Variants in LYSMD2 observed in about 807,000 individuals in gnomAD.
LYSMD2 encodes LysM domain containing 2.
A neutral mutation model predicts 17.7 loss-of-function variants in LYSMD2; 6 were observed. The ratio of observed to expected loss-of-function variants is 0.34; its 90% confidence interval spans 0.19 to 0.67. LYSMD2 has a LOEUF of 0.67. LYSMD2 is among the 30% of genes least tolerant of loss of function. The pLI is 0.69. For synonymous variants in LYSMD2, 102 were observed against 129.8 expected, an observed-to-expected ratio of 0.79 and a Z score of 1.45; for missense variants, 237 against 286.7, an observed-to-expected ratio of 0.83 and a Z score of 1.25.
chr15:51,745,534 G>C (rs1184489041), intron 1 of LYSMD2, among the ~76,000 whole-genome samples: 1 of 152,134 alleles, frequency 6.6e-6, no homozygotes, highest in Non-Finnish European at 1.5e-5. Flanking sequence ...AAAAGTCTTT[G>C]ATGAAATCCA....
upstream of LYSMD2, chr15:51,737,659 A>G: frequency 8.3e-7 from 1 of 1,200,182 alleles, no homozygotes; most frequent in Admixed American, 4.4e-5. The surrounding 1 kb of genome is among the most constrained non-coding windows in gnomAD (Gnocchi z 4.2). Flanking sequence ...GGAGCTTGCC[A>G]AGGGGGCGGC....
In LYSMD2 at chr15:51,737,553, AGGGGGCCGAGGGCCGCGGCGCGCGG is replaced by A; in HGVS notation, c.45_69del (p.Ala17ArgfsTer18). On this transcript the variant is annotated frameshift_variant, in exon 1 of 3. Transcript: ENST00000267838. LOFTEE classifies it high-confidence loss of function. The surrounding 1 kb of genome is among the most constrained non-coding windows in gnomAD (Gnocchi z 4.2). ...CCGGAGCGCGAGCGCGGCGGCGGCG[AGGGGGCCGAGGGCCGCGGCGCGCGG>A]GGGCCGCCTTCCCGCAGGGACAGTG... 4 of 1,226,618 alleles carry A rather than the reference AGGGGGCCGAGGGCCGCGGCGCGCGG, an allele frequency of 3.3e-6. No individual in the cohort carries two copies. The highest frequency in any genetic ancestry group is 4.1e-6 in the Non-Finnish European group (4 of 987,022). 76.0% of individuals were successfully genotyped at this position (1,226,618 alleles called of 1,614,324 possible).
intron 1 of LYSMD2, among the ~76,000 whole-genome samples, chr15:51,749,885 C>G (rs753914799): frequency 6.6e-6 from 1 of 152,266 alleles, no homozygotes; most frequent in Non-Finnish European, 1.5e-5. Flanking sequence ...TCATTTAACT[C>G]TTTCTGGCTC....
At chr15:51,724,289 A>G (rs1256466977) in intron 2 of LYSMD2, among the ~76,000 whole-genome samples, 1 of 152,204 alleles carries the variant, frequency 6.6e-6, no homozygotes, top group Non-Finnish European at 1.5e-5. Context: ...GATCTTATGT[A>G]GGAAACACCC....
At chr15:51,731,307 T>C (rs1412026319) in intron 1 of LYSMD2, among the ~76,000 whole-genome samples, 2 of 152,248 alleles carry the variant, frequency 1.3e-5, no homozygotes, top group Non-Finnish European at 2.9e-5. Context: ...TACTTTGCCA[T>C]ACCTCTCACT....
intron 1 of LYSMD2, among the ~76,000 whole-genome samples, chr15:51,736,210 G>T (rs2141598352): frequency 6.6e-6 from 1 of 152,312 alleles, no homozygotes; most frequent in South Asian, 2.1e-4. Flanking sequence ...ATTCAGCAGA[G>T]GGTAGCTACT....
At chr15:51,751,407 G>C (rs2055700775) in exon 1 of LYSMD2, 1 of 700,038 alleles carries the variant, frequency 1.4e-6, no homozygotes, top group Admixed American at 2.0e-5. Context: ...GCTTCTCCCC[G>C]ACCCAGGTGC....
intron 1 of LYSMD2, among the ~76,000 whole-genome samples, chr15:51,732,803 C>G (rs987016852): frequency 6.6e-6 from 1 of 152,212 alleles, no homozygotes; most frequent in Non-Finnish European, 1.5e-5. Context: ...CTCACCACCT[C>G]CTTCCTTCTC....
At chr15:51,744,571 A>G (rs558907043) in intron 1 of LYSMD2, among the ~76,000 whole-genome samples, 1 of 152,202 alleles carries the variant, frequency 6.6e-6, no homozygotes, top group African/African-American at 2.4e-5. Context: ...GGACTTTTAC[A>G]TGTGTATTCA....
upstream of LYSMD2, among the ~76,000 whole-genome samples, chr15:51,742,271 G>A (rs1167656210): frequency 6.6e-6 from 1 of 152,044 alleles, no homozygotes. Context: ...AACTCCTGAC[G>A]TCAGGTGATC....
chr15:51,738,792 C>T (rs2055628794), upstream of LYSMD2, among the ~76,000 whole-genome samples: 1 of 152,170 alleles, frequency 6.6e-6, no homozygotes, highest in Non-Finnish European at 1.5e-5. Flanking sequence ...CAAGCTTCCA[C>T]AACACCATCC....
At chr15:51,732,005 G>C (rs1020864375) in intron 1 of LYSMD2, among the ~76,000 whole-genome samples, 1 of 152,138 alleles carries the variant, frequency 6.6e-6, no homozygotes, top group Non-Finnish European at 1.5e-5. Context: ...CAGTTTCCCA[G>C]ACCCACTTCC....
chr15:51,734,273 C>A (rs1194568131), intron 1 of LYSMD2, among the ~76,000 whole-genome samples: 1 of 152,190 alleles, frequency 6.6e-6, no homozygotes, highest in Non-Finnish European at 1.5e-5. Flanking sequence ...CAGCTAGGAT[C>A]CTTTATTTTT....
In LYSMD2 at chr15:51,724,805, A is replaced by T; in HGVS notation, c.590T>A (p.Leu197Gln). 6.2e-7 allele frequency: 1 copy of T among 1,612,820 alleles called. No individual in the cohort carries two copies. Among genetic ancestry groups the T allele is most frequent in the Non-Finnish European group, 8.5e-7 (1 of 1,179,214 alleles). ...IKLSTQAAKK[L>Q]KEESRDEESP... is the part of the protein sequence containing the mutation. ...GTATTCTTACCTGCTCTCTTCTTTT[A>T]GCTTCTTGGCTGCCTGTGTTGATAA... Residue 197 changes from leucine (L) to glutamine (Q), a missense_variant, in exon 2 of 3, where the codon CTA becomes CAA. Transcript: ENST00000267838.
intron 1 of LYSMD2, among the ~76,000 whole-genome samples, chr15:51,745,308 T>C (rs1308780720): frequency 6.6e-6 from 1 of 152,188 alleles, no homozygotes; most frequent in Non-Finnish European, 1.5e-5. Context: ...AAAAAAAAAC[T>C]ACAGACTAAT....
In LYSMD2 at chr15:51,723,446, C is replaced by A. The variant is rs963696367; in HGVS notation, c.*161G>T. ...TAAAATTATAGAAAGCCAGAGGGAA[C>A]TAATCACTTCAGTGCAACTGCAGCA... On this transcript the variant is annotated 3_prime_UTR_variant, in exon 3 of 3. Transcript: ENST00000267838. The A allele has an allele frequency of 3.3e-6, 2 of 609,246 alleles. No homozygotes were observed. Among genetic ancestry groups the A allele is most frequent in the Non-Finnish European group, 2.9e-6 (1 of 339,808 alleles). The allele number at this position is 609,246 out of a possible 1,614,324, so 37.7% of individuals were successfully genotyped here.
intron 1 of LYSMD2, among the ~76,000 whole-genome samples, chr15:51,726,115 T>C (rs1414020314): frequency 6.6e-6 from 1 of 152,184 alleles, no homozygotes. Flanking sequence ...AAATAGTACA[T>C]GTAAAGCTTT....
chr15:51,739,148 G>C (rs1020097066), upstream of LYSMD2, among the ~76,000 whole-genome samples: 4 of 152,100 alleles, frequency 2.6e-5, no homozygotes, highest in Non-Finnish European at 4.4e-5. Context: ...AACTGTTACT[G>C]TTTCTTCTTT....
At chr15:51,724,640 A>AAGGAAGAAATTAAGAC in intron 2 of LYSMD2, 150 bp downstream of exon 2, 1 of 512,036 alleles carries the variant, frequency 2.0e-6, no homozygotes. Context: ...GAAATTAAGA[A>AAGGAAGAAATTAAGAC]AGAAAGAAAT....
Sources: gnomAD v4.1 joint callset for allele counts (sites outside exome capture counted in the v4.1 genomes callset) on GRCh38, gnomAD v4.1.1 for gene constraint, Gnocchi (gnomAD v3.1) non-coding constraint, MANE v1.5 for transcripts, NCBI Gene and HGNC (gene_info 2026-07-23, HGNC 2026-07-21) for gene names.